The following FGF14 variants were observed in gnomAD, a reference collection of about 807,000 sequenced individuals.
The protein encoded by FGF14 is fibroblast growth factor 14.
In FGF14, 5 loss-of-function variants were observed where a neutral mutation model predicts 25.5. The observed-to-expected ratio is 0.20, with a 90% CI of 0.10 to 0.41. FGF14 has a LOEUF of 0.41. Among genes scored for constraint, FGF14 ranks in the 10% least tolerant of loss-of-function variants. FGF14 has a pLI of 1.00. For missense variants in FGF14, 222 were observed against 320.1 expected (o/e 0.69, Z 2.34); for synonymous variants, 138 against 118.3 (o/e 1.17, Z -1.08).
At chr13:102,068,689 C>T (rs1018363837) in intron 1 of FGF14, among the ~76,000 whole-genome samples, 2 of 152,210 alleles carry the variant, frequency 1.3e-5, no homozygotes, top group African/African-American at 2.4e-5. Flanking sequence ...GATTTCTCGC[C>T]GGGCCTTAGC....
intron 1 of FGF14, among the ~76,000 whole-genome samples, chr13:102,346,573 TATAG>T (rs960419681): frequency 4.6e-5 from 7 of 151,916 alleles, no homozygotes; most frequent in East Asian, 1.9e-4. Flanking sequence ...TATTTATATA[TATAG>T]AGAGAGAGAA....
intron 1 of FGF14, among the ~76,000 whole-genome samples, chr13:102,185,809 T>C (rs1415199322): frequency 6.6e-6 from 1 of 152,130 alleles, no homozygotes; most frequent in Non-Finnish European, 1.5e-5. Flanking sequence ...TGTGTGGAGC[T>C]GAGATGACAT....
intron 1 of FGF14, among the ~76,000 whole-genome samples, chr13:101,929,378 C>G (rs781345629): frequency 3.9e-5 from 6 of 152,182 alleles, no homozygotes; most frequent in Non-Finnish European, 8.8e-5. Flanking sequence ...CCCTGAGTTA[C>G]AGGCACAGCC....
At chr13:101,824,339 G>A (rs576681874) in intron 3 of FGF14, among the ~76,000 whole-genome samples, 23 of 152,144 alleles carry the variant, frequency 1.5e-4, no homozygotes, top group African/African-American at 3.4e-4. Flanking sequence ...GTGTGCGCGC[G>A]TGCACGCTTA....
At chr13:102,392,515 TAAATTTTAATCTAG>T (rs200315681) in intron 1 of FGF14, among the ~76,000 whole-genome samples, 2,241 of 152,304 alleles carry the variant, frequency 0.015, 38 homozygotes, top group African/African-American at 0.043. Context: ...ACTGTCCATT[TAAATTTTAATCTAG>T]AAAGAGAAGC....
In FGF14 at chr13:102,171,900, T is replaced by C. The variant is rs1284499442; in HGVS notation, c.208+229571A>G. On this transcript the variant is annotated intron_variant, in intron 1 of 4. Coordinates refer to the FGF14 transcript ENST00000376131. ...ATCTTTAAATATTCTAGGTTTTTTT[T>C]TTTTTGCTGTTCTGTATATTTTTAA... 4.0e-5 allele frequency among the ~76,000 whole-genome samples: 6 copies of C among 151,870 alleles called. No individual in the cohort carries two copies. In the East Asian group the frequency reaches 9.7e-4, roughly 24 times the overall value.
intron 1 of FGF14, among the ~76,000 whole-genome samples, chr13:102,204,030 T>C (rs78721790): frequency 0.012 from 1,826 of 152,302 alleles, 35 homozygotes; most frequent in African/African-American, 0.04. Flanking sequence ...CAGAACAACA[T>C]GGATTTTGAG....
chr13:102,240,796 T>C (rs566196385), intron 1 of FGF14, among the ~76,000 whole-genome samples: 154 of 152,280 alleles, frequency 1.0e-3, no homozygotes, highest in African/African-American at 3.6e-3. Context: ...GGATTGAAGA[T>C]GCAAACTTTA....
rs572274485 is a variant in FGF14, at chr13:102,142,393, T to TA, written c.208+259077dup. Among the ~76,000 whole-genome samples the TA allele has an allele frequency of 5.2e-3, 765 of 145,880 alleles. 7 individuals carry two copies. The highest frequency in any genetic ancestry group is 0.018 in the South Asian group (85 of 4,608). On this transcript the variant is annotated intron_variant, in intron 1 of 4. Transcript: ENST00000376131. Reference sequence around the variant, plus strand: ...CATCTGCAACAGCTGTTTTACTCCTTAAAAAAAAAAATGGAAAAGGAAAAA... The same window carrying TA: ...CATCTGCAACAGCTGTTTTACTCCTTAAAAAAAAAAAATGGAAAAGGAAAAA...
At chr13:101,752,766 A>G (rs1156594449) in intron 3 of FGF14, among the ~76,000 whole-genome samples, 1 of 152,168 alleles carries the variant, frequency 6.6e-6, no homozygotes. Flanking sequence ...CTCGCACATA[A>G]TGGTTGCTCT....
At chr13:102,132,229 C>T (rs527047) in intron 1 of FGF14, among the ~76,000 whole-genome samples, 4,079 of 151,980 alleles carry the variant, frequency 0.027, 185 homozygotes, top group African/African-American at 0.093. Flanking sequence ...GAATAGTGTG[C>T]GGCAGAGAGA....
chr13:102,039,951 C>G (rs1267358023), intron 1 of FGF14, among the ~76,000 whole-genome samples: 3 of 149,066 alleles, frequency 2.0e-5, no homozygotes, highest in African/African-American at 7.4e-5. Flanking sequence ...AGACACAAAG[C>G]AAAAATTACT....
At chr13:102,165,885 G>C (rs2047985009) in intron 1 of FGF14, among the ~76,000 whole-genome samples, 1 of 151,720 alleles carries the variant, frequency 6.6e-6, no homozygotes, top group Admixed American at 6.6e-5. Context: ...CAGGAGGAAT[G>C]AGGATACTTA....
chr13:101,980,619 G>A lies in FGF14; in HGVS notation c.209-105323C>T, dbSNP rs142136883. Among the ~76,000 whole-genome samples, 263 of 152,202 alleles carry A rather than the reference G, an allele frequency of 1.7e-3. 1 individual carries two copies. Among genetic ancestry groups the A allele is most frequent in the African/African-American group, 6.1e-3 (252 of 41,538 alleles). On this transcript the variant is annotated intron_variant, in intron 1 of 4. Transcript: ENST00000376131. The stretch of plus-strand genomic sequence containing the variant: ...CTTGAAAACATCTCTTATGGGTTCC[G>A]CAATATTCCAATACATTTGCTACAG...
intron 1 of FGF14, among the ~76,000 whole-genome samples, chr13:102,277,470 A>T (rs1273636633): frequency 6.6e-6 from 1 of 152,230 alleles, no homozygotes; most frequent in Non-Finnish European, 1.5e-5. Flanking sequence ...TATGTAGATG[A>T]TTCCTCATCA....
At chr13:101,739,564 G>A (rs534054618) in intron 3 of FGF14, among the ~76,000 whole-genome samples, 4 of 152,252 alleles carry the variant, frequency 2.6e-5, no homozygotes, top group East Asian at 1.9e-4. Context: ...AGAGCAGCGT[G>A]AAGAATATTC....
intron 1 of FGF14, among the ~76,000 whole-genome samples, chr13:102,039,142 T>G (rs2041612143): frequency 6.6e-6 from 1 of 152,182 alleles, no homozygotes; most frequent in Admixed American, 6.6e-5. Context: ...AGATTTAAAG[T>G]CTATCTCTCG....
rs140013814 is a variant in FGF14, at chr13:101,863,451, C to T, written c.408+5274G>A. 6.7e-3 allele frequency among the ~76,000 whole-genome samples: 1,012 copies of T among 152,156 alleles called. 9 individuals are homozygous for T. The highest frequency in any genetic ancestry group is 0.017 in the South Asian group (81 of 4,826). On this transcript the variant is annotated intron_variant, in intron 3 of 4. Coordinates refer to ENST00000376143, the MANE Select transcript of FGF14 (RefSeq NM_004115.4). ...ACATGCACTGCCTGGTAGCAAACAA[C>T]AACAAAACAAATAAACATAAAACCT...
chr13:102,401,543 T>C (rs2058703326), exon 1 of FGF14: 13 of 1,614,176 alleles, frequency 8.1e-6, no homozygotes, highest in Non-Finnish European at 1.1e-5. Context: ...TTGCTGAAAA[T>C]GTTCCAAAGA....
Sources: allele counts gnomAD v4.1 joint callset (sites outside exome capture counted in the v4.1 genomes callset), GRCh38; gene constraint gnomAD v4.1.1; transcripts MANE v1.5; gene names NCBI Gene and HGNC (gene_info 2026-07-23, HGNC 2026-07-21).